LARP1B: variants seen among roughly 807,000 people sequenced by gnomAD.
LARP1B encodes la-related protein 1B.
In LARP1B, 76 loss-of-function variants were observed where a neutral mutation model predicts 114.2. That is an observed-to-expected ratio of 0.67 (90% confidence interval 0.55 to 0.81). The LOEUF (loss-of-function observed/expected upper bound fraction) is 0.81, where lower values mean the gene tolerates loss of function less well. LARP1B is among the 30% of genes least tolerant of loss of function. The pLI is 0.00. For missense variants in LARP1B, 1,014 were observed against 1,075.8 expected (o/e 0.94, Z 0.80); for synonymous variants, 345 against 348.0 (o/e 0.99, Z 0.10).
At chr4:128,220,124 A>G (rs543072810) in intron 6 of LARP1B, among the ~76,000 whole-genome samples, 179 of 152,226 alleles carry the variant, frequency 1.2e-3, no homozygotes, top group African/African-American at 4.1e-3. Context: ...ACCTCAGGTG[A>G]TCCACCCACC....
chr4:128,065,728 A>G (rs1762544365), intron 1 of LARP1B, among the ~76,000 whole-genome samples: 1 of 152,122 alleles, frequency 6.6e-6, no homozygotes, highest in South Asian at 2.1e-4. Context: ...CCTCTGGTTC[A>G]TAATACCAGA....
chr4:128,152,207 A>AT (rs35669651), intron 11 of LARP1B, among the ~76,000 whole-genome samples: 6,260 of 140,558 alleles, frequency 0.045, 194 homozygotes, highest in Middle Eastern at 0.093. Flanking sequence ...TAAGATGGTG[A>AT]TTTTTTTTTT....
intron 7 of LARP1B, among the ~76,000 whole-genome samples, chr4:128,221,408 ACT>A (rs1760022717): frequency 6.6e-6 from 1 of 152,116 alleles, no homozygotes; most frequent in African/African-American, 2.4e-5. Context: ...CTGACTTTAC[ACT>A]CTGTGTCAGT....
chr4:128,103,028 G>A (rs1232392047), intron 8 of LARP1B, among the ~76,000 whole-genome samples: 1 of 152,056 alleles, frequency 6.6e-6, no homozygotes, highest in Non-Finnish European at 1.5e-5. Context: ...TTCCGGCATT[G>A]GTAGTTATTC....
At chr4:128,086,090 T>C (rs1175079555) in intron 5 of LARP1B, among the ~76,000 whole-genome samples, 2 of 148,102 alleles carry the variant, frequency 1.4e-5, no homozygotes, top group African/African-American at 5.0e-5. Context: ...CTCGGCTCGC[T>C]GCAAGTTCCG....
Position 128,115,938 on chromosome 4 carries a change from C to T in LARP1B, c.1161+1196C>T, listed in dbSNP as rs1259500539. 4.6e-5 allele frequency among the ~76,000 whole-genome samples: 7 copies of T among 152,186 alleles called. No individual in the cohort carries two copies. In the East Asian group the frequency reaches 9.6e-4, roughly 21 times the overall value. ...CCTCCCAGAGTGCTAGGATTACAGGCGTGAGCCTCTGCGGCCTGGCCAGAA... is the reference window on the plus strand; with the variant it reads ...CCTCCCAGAGTGCTAGGATTACAGGTGTGAGCCTCTGCGGCCTGGCCAGAA... On this transcript the variant is annotated intron_variant, in intron 10 of 19. Coordinates refer to ENST00000326639, the MANE Select transcript of LARP1B (RefSeq NM_018078.4).
intron 8 of LARP1B, 54 bp downstream of exon 8, chr4:128,098,384 C>T: frequency 6.1e-6 from 9 of 1,474,296 alleles, no homozygotes; most frequent in Non-Finnish European, 7.5e-6. Context: ...TTCCTTTGTA[C>T]CTAAAACTTC....
intron 11 of LARP1B, among the ~76,000 whole-genome samples, chr4:128,156,388 C>A (rs1160241964): frequency 6.6e-6 from 1 of 152,140 alleles, no homozygotes; most frequent in Non-Finnish European, 1.5e-5. Flanking sequence ...CAAAGCTGCC[C>A]ATTGTTTCTC....
intron 12 of LARP1B, among the ~76,000 whole-genome samples, chr4:128,171,804 A>T (rs1377730485): frequency 6.6e-6 from 1 of 152,180 alleles, no homozygotes; most frequent in Non-Finnish European, 1.5e-5. Context: ...TCTGTTAGTG[A>T]TTCAAAACTG....
At chr4:128,175,429 A>C (rs1485675778) in intron 12 of LARP1B, among the ~76,000 whole-genome samples, 1 of 152,132 alleles carries the variant, frequency 6.6e-6, no homozygotes, top group Non-Finnish European at 1.5e-5. Flanking sequence ...CTATTGATGA[A>C]TATTCCCTAG....
intron 1 of LARP1B, among the ~76,000 whole-genome samples, chr4:128,068,370 GAGTACAGTGACACAATCATAGC>G (rs1763889065): frequency 6.6e-6 from 1 of 151,302 alleles, no homozygotes; most frequent in Non-Finnish European, 1.5e-5. Context: ...GCTAGCGTAG[GAGTACAGTGACACAATCATAGC>G]TCACTGCAGC....
chr4:128,123,481 C>T, intron 11 of LARP1B: 1 of 750,438 alleles, frequency 1.3e-6, no homozygotes, highest in Non-Finnish European at 1.6e-6. Context: ...TCCCTTTACC[C>T]AGCTTTGTTT....
intron 11 of LARP1B, among the ~76,000 whole-genome samples, chr4:128,153,584 A>G (rs193026382): frequency 2.0e-5 from 3 of 152,316 alleles, no homozygotes; most frequent in Admixed American, 2.0e-4. Flanking sequence ...AATTACAGGC[A>G]TGAGCCACAG....
chr4:128,098,747 G>GTGTGTGTATGTATATATATATA, intron 8 of LARP1B, among the ~76,000 whole-genome samples: 1 of 15,594 alleles, frequency 6.4e-5, no homozygotes, highest in African/African-American at 1.9e-4. Context: ...ATATGTATGT[G>GTGTGTGTATGTATATATATATA]TATATATATA....
chr4:128,117,407 A>T (rs1006883916), intron 10 of LARP1B, among the ~76,000 whole-genome samples: 10 of 151,410 alleles, frequency 6.6e-5, no homozygotes, highest in African/African-American at 2.4e-4. Flanking sequence ...TTTTTTTCAG[A>T]CAGAATCTCA....
intron 7 of LARP1B, among the ~76,000 whole-genome samples, chr4:128,094,491 C>T (rs919882515): frequency 6.7e-6 from 1 of 150,202 alleles, no homozygotes; most frequent in African/African-American, 2.5e-5. Flanking sequence ...ACCTCTGCCT[C>T]CCGGGTTCAA....
intron 5 of LARP1B, among the ~76,000 whole-genome samples, chr4:128,089,117 TGAGG>T (rs1774848511): frequency 6.6e-6 from 1 of 152,010 alleles, no homozygotes; most frequent in South Asian, 2.1e-4. Flanking sequence ...TTGTCACAAC[TGAGG>T]GAGTGAGTGG....
At chr4:128,109,965 G>T (rs761420065) in intron 9 of LARP1B, among the ~76,000 whole-genome samples, 2 of 152,078 alleles carry the variant, frequency 1.3e-5, no homozygotes, top group African/African-American at 2.4e-5. Flanking sequence ...GTACAGTGGC[G>T]CAGTCTCGGC....
chr4:128,106,776 T>A (rs1361968334), intron 8 of LARP1B, among the ~76,000 whole-genome samples: 2 of 152,162 alleles, frequency 1.3e-5, no homozygotes, highest in African/African-American at 4.8e-5. Flanking sequence ...TGGTAATTAT[T>A]ACAATAATAA....
Sources: allele counts gnomAD v4.1 joint callset (sites outside exome capture counted in the v4.1 genomes callset), GRCh38; gene constraint gnomAD v4.1.1; transcripts MANE v1.5; gene names NCBI Gene and HGNC (gene_info 2026-07-23, HGNC 2026-07-21).